MMAA: variants seen among roughly 807,000 people sequenced by gnomAD.
The protein encoded by MMAA is metabolism of cobalamin associated A, also known as methylmalonic aciduria type A protein, mitochondrial.
MMAA carries 41 observed loss-of-function variants against 45.0 expected under a neutral mutation model. The observed-to-expected ratio is 0.91, with a 90% CI of 0.71 to 1.18. The LOEUF (loss-of-function observed/expected upper bound fraction) is 1.18. MMAA is among the 50% of genes most tolerant of loss of function. The pLI is 0.00. For synonymous variants in MMAA, 154 were observed against 178.2 expected (o/e 0.86, Z 1.08); for missense variants, 460 against 495.7 (o/e 0.93, Z 0.68).
At chr4:145,627,429 T>C (rs1734227073) in intron 1 of MMAA, among the ~76,000 whole-genome samples, 1 of 152,120 alleles carries the variant, frequency 6.6e-6, no homozygotes, top group South Asian at 2.1e-4. Context: ...TTTAGTAGAT[T>C]AACATAGAGT....
At chr4:145,636,445 C>T (rs182064452) in intron 1 of MMAA, among the ~76,000 whole-genome samples, 1 of 152,210 alleles carries the variant, frequency 6.6e-6, no homozygotes, top group Non-Finnish European at 1.5e-5. Flanking sequence ...CCAAAAAGGT[C>T]TCTGTCATTT....
chr4:145,630,308 C>T (rs185918743), intron 1 of MMAA, among the ~76,000 whole-genome samples: 1 of 152,352 alleles, frequency 6.6e-6, no homozygotes, highest in Non-Finnish European at 1.5e-5. Flanking sequence ...ATAATAAGCA[C>T]TAAGGAGACT....
At chr4:145,644,589 A>T (rs1727876935) in intron 3 of MMAA, among the ~76,000 whole-genome samples, 1 of 152,252 alleles carries the variant, frequency 6.6e-6, no homozygotes, top group Non-Finnish European at 1.5e-5. Flanking sequence ...CAGGACTTTC[A>T]GTCTTCTAGA....
chr4:145,634,488 C>T (rs1197093088), intron 1 of MMAA, among the ~76,000 whole-genome samples: 1 of 151,630 alleles, frequency 6.6e-6, no homozygotes, highest in Admixed American at 6.6e-5. Context: ...AGGGCAGGTC[C>T]AGAAATGCCA....
At chr4:145,639,780 A>G in intron 2 of MMAA, 1 of 984,282 alleles carries the variant, frequency 1.0e-6, no homozygotes, top group Non-Finnish European at 1.2e-6. Context: ...AAGGCTATGT[A>G]TTTTAAGAAA....
At chr4:145,653,970 A>G (rs776045663) in intron 5 of MMAA, 24 bp from the exon 6 acceptor site, 4 of 1,613,560 alleles carry the variant, frequency 2.5e-6, no homozygotes, top group Non-Finnish European at 3.4e-6. Context: ...GTTGGTTGTC[A>G]TTAAATGTTT....
rs537017744 is a variant in MMAA, at chr4:145,630,024, T to C, written c.-65-9051T>C. Among the ~76,000 whole-genome samples, 4 of 152,282 alleles carry C rather than the reference T, an allele frequency of 2.6e-5. No individual in the cohort carries two copies. The South Asian group carries it at 8.3e-4, about 32-fold the overall frequency. On this transcript the variant is annotated intron_variant, in intron 1 of 6. Coordinates refer to ENST00000649156, the MANE Select transcript of MMAA (RefSeq NM_172250.3). ...TCAGAGTAATACTGGCCTCATATAA[T>C]GAATTTGGAAATACTCCCTTTTCCT...
At chr4:145,630,728 CA>C (rs981182231) in intron 1 of MMAA, among the ~76,000 whole-genome samples, 11 of 147,308 alleles carry the variant, frequency 7.5e-5, no homozygotes, top group Admixed American at 1.3e-4. Context: ...AACTCCATCT[CA>C]AAAAAAAAAG....
chr4:145,631,255 C>G (rs1734329627), intron 1 of MMAA, among the ~76,000 whole-genome samples: 1 of 152,168 alleles, frequency 6.6e-6, no homozygotes, highest in South Asian at 2.1e-4. Context: ...GTGTTGAAGT[C>G]TCCAGCTATT....
chr4:145,636,310 A>T (rs893442271), intron 1 of MMAA, among the ~76,000 whole-genome samples: 1 of 152,150 alleles, frequency 6.6e-6, no homozygotes, highest in Non-Finnish European at 1.5e-5. Context: ...CTAGGTCCTC[A>T]TCATCTCCTT....
At chr4:145,642,250 G>A in intron 2 of MMAA, 113 bp from the exon 3 acceptor site, 1 of 1,166,134 alleles carries the variant, frequency 8.6e-7, no homozygotes, top group Non-Finnish European at 1.3e-6. Flanking sequence ...TATTAATTGT[G>A]GTTTTAATAC....
chr4:145,629,740 C>T (rs751490142), intron 1 of MMAA, among the ~76,000 whole-genome samples: 4 of 152,140 alleles, frequency 2.6e-5, no homozygotes, highest in African/African-American at 9.7e-5. Context: ...TCCCATCTTA[C>T]GTGGATGGCG....
chr4:145,623,830 A>G (rs1305559126), intron 1 of MMAA, among the ~76,000 whole-genome samples: 2 of 152,194 alleles, frequency 1.3e-5, no homozygotes, highest in African/African-American at 4.8e-5. Flanking sequence ...GTTTTAATGT[A>G]CTTTTAGTAA....
chr4:145,627,385 A>C (rs567855751), intron 1 of MMAA, among the ~76,000 whole-genome samples: 1 of 152,180 alleles, frequency 6.6e-6, no homozygotes, highest in African/African-American at 2.4e-5. Context: ...TCAGTCACAC[A>C]GGTTAAGATT....
In MMAA at chr4:145,659,261, T is replaced by C. The variant is rs766110203; in HGVS notation, c.*3827T>C. 2 of 152,194 alleles carry C rather than the reference T, an allele frequency of 1.3e-5. No homozygotes were observed. The highest frequency in any genetic ancestry group is 2.9e-5 in the Non-Finnish European group (2 of 68,018). The allele number at this position is 152,194 out of a possible 1,614,324, so 9.4% of individuals were successfully genotyped here. A position where few individuals can be genotyped will look rare whatever the true frequency, so the allele number is the denominator to read the frequency against. On this transcript the variant is annotated 3_prime_UTR_variant, in exon 7 of 7. Transcript: ENST00000649156. ...TAGTCCCTGTCCCATGAAGCTTCTG[T>C]GGATTTGCTTTGTTTGTCATTTGTG...
At chr4:145,635,964 G>A (rs1727595492) in intron 1 of MMAA, among the ~76,000 whole-genome samples, 1 of 152,158 alleles carries the variant, frequency 6.6e-6, no homozygotes, top group Non-Finnish European at 1.5e-5. Flanking sequence ...TTGAATCTTG[G>A]CCCTGCCACT....
At chr4:145,651,183 A>G in intron 5 of MMAA, 36 bp downstream of exon 5, 1 of 1,543,770 alleles carries the variant, frequency 6.5e-7, no homozygotes, top group Non-Finnish European at 8.9e-7. Flanking sequence ...AAAATATAAA[A>G]TGTATATCTC....
chr4:145,625,529 A>G, intron 1 of MMAA: 1 of 745,082 alleles, frequency 1.3e-6, no homozygotes, highest in Non-Finnish European at 2.5e-6. Context: ...ATGAACTAGC[A>G]TAAGCCATCA....
chr4:145,620,527 C>T (rs1734069684), intron 1 of MMAA, among the ~76,000 whole-genome samples: 1 of 152,150 alleles, frequency 6.6e-6, no homozygotes. Context: ...TTTAATGTTA[C>T]TTGCAACCAA....
Sources: gnomAD v4.1 joint callset for allele counts (sites outside exome capture counted in the v4.1 genomes callset) on GRCh38, gnomAD v4.1.1 for gene constraint, MANE v1.5 for transcripts, NCBI Gene and HGNC (gene_info 2026-07-23, HGNC 2026-07-21) for gene names.